Variants in ZBTB38 observed in about 807,000 individuals in gnomAD.
ZBTB38 encodes the protein zinc finger and BTB domain containing 38, also known as zinc finger and BTB domain-containing protein 38.
In ZBTB38, 20 loss-of-function variants were observed where a neutral mutation model predicts 76.8. The ratio of observed to expected loss-of-function variants is 0.26; its 90% CI spans 0.18 to 0.38. The LOEUF is 0.38. Ranked by LOEUF, ZBTB38 falls within the 10% of genes least tolerant of loss-of-function variation. The pLI, the probability that ZBTB38 is intolerant of heterozygous loss-of-function variation, is 1.00. For missense variants in ZBTB38, 1,082 were observed against 1,482.3 expected (o/e 0.73, Z 4.43); for synonymous variants, 504 against 544.2 (o/e 0.93, Z 1.03).
intron 1 of ZBTB38, among the ~76,000 whole-genome samples, chr3:141,329,818 C>G (rs1942789297): frequency 6.6e-6 from 1 of 151,532 alleles, no homozygotes; most frequent in Non-Finnish European, 1.5e-5. Flanking sequence ...TTTTAGAAAA[C>G]TCGTTGGAAT....
intron 5 of ZBTB38, among the ~76,000 whole-genome samples, chr3:141,426,782 G>A (rs1021126442): frequency 2.0e-5 from 3 of 152,152 alleles, no homozygotes; most frequent in East Asian, 1.9e-4. Flanking sequence ...AAAGCATGTC[G>A]GTAGTGCTTG....
At chr3:141,375,927 C>T (rs4683605) in intron 2 of ZBTB38, among the ~76,000 whole-genome samples, 6 of 152,084 alleles carry the variant, frequency 3.9e-5, no homozygotes, top group Non-Finnish European at 7.4e-5. Context: ...GCCTGAGAGG[C>T]GGCAGGCCAG....
At chr3:141,338,629 A>G (rs1489793725) in intron 1 of ZBTB38, among the ~76,000 whole-genome samples, 2 of 152,190 alleles carry the variant, frequency 1.3e-5, no homozygotes, top group East Asian at 3.8e-4. Flanking sequence ...AACAATAGAC[A>G]ACAGGGTCTA....
intron 1 of ZBTB38, among the ~76,000 whole-genome samples, chr3:141,359,533 G>C (rs1437042010): frequency 6.6e-6 from 1 of 152,212 alleles, no homozygotes; most frequent in East Asian, 1.9e-4. Context: ...AGACAAAGAA[G>C]ATCCAGGATA....
In ZBTB38 at chr3:141,442,209, G is replaced by A. The variant is rs114668093; in HGVS notation, c.1-180G>A. On this transcript the variant is annotated intron_variant, in intron 5 of 5. Coordinates refer to ENST00000321464, the MANE Select transcript of ZBTB38 (RefSeq NM_001376113.1). This position sits in a 1 kb window ranked among gnomAD's most constrained non-coding sequence, Gnocchi z 6.4. ...TAGCAATGGTATGAGAAACAGGCTGGGGCAAGAAAAAGATTTAGCTTCTAA... is the reference window on the plus strand; with the variant it reads ...TAGCAATGGTATGAGAAACAGGCTGAGGCAAGAAAAAGATTTAGCTTCTAA... 1.7e-3 allele frequency among the ~76,000 whole-genome samples: 265 copies of A among 152,198 alleles called. 1 individual carries two copies. The highest frequency in any genetic ancestry group is 3.4e-3 in the Middle Eastern group (1 of 294).
intron 1 of ZBTB38, among the ~76,000 whole-genome samples, chr3:141,357,196 A>G (rs945203855): frequency 3.3e-5 from 5 of 152,132 alleles, no homozygotes; most frequent in Non-Finnish European, 7.4e-5. Context: ...CATGTTTTAT[A>G]TACTATTTGT....
chr3:141,331,901 C>G (rs753236028), intron 1 of ZBTB38, among the ~76,000 whole-genome samples: 29 of 152,212 alleles, frequency 1.9e-4, no homozygotes, highest in Admixed American at 4.6e-4. Context: ...GAGTCCTCGG[C>G]TGGGGACTTC....
At chr3:141,335,248 G>A (rs999399797) in intron 1 of ZBTB38, among the ~76,000 whole-genome samples, 20 of 152,302 alleles carry the variant, frequency 1.3e-4, no homozygotes, top group African/African-American at 4.8e-4. Context: ...GATTTGTTGC[G>A]AGCACTAAAT....
chr3:141,359,685 C>A (rs1344835869), intron 1 of ZBTB38, among the ~76,000 whole-genome samples: 2 of 152,202 alleles, frequency 1.3e-5, no homozygotes, highest in South Asian at 2.1e-4. Flanking sequence ...AATCCCAGCA[C>A]TTTGGGAGGC....
At chr3:141,400,885 C>G (rs1156405306) in intron 4 of ZBTB38, among the ~76,000 whole-genome samples, 1 of 152,214 alleles carries the variant, frequency 6.6e-6, no homozygotes, top group Non-Finnish European at 1.5e-5. Flanking sequence ...GCTTTAAACC[C>G]AGGCAGGCTG....
chr3:141,383,510 A>T (rs991257410), intron 3 of ZBTB38: 3 of 152,234 alleles, frequency 2.0e-5, no homozygotes, highest in African/African-American at 7.2e-5. Flanking sequence ...ATAAAGGAAC[A>T]TGCAAACTGA....
At chr3:141,328,491 C>T (rs1380702296) in intron 1 of ZBTB38, among the ~76,000 whole-genome samples, 2 of 152,184 alleles carry the variant, frequency 1.3e-5, no homozygotes, top group African/African-American at 2.4e-5. Context: ...AACTTCTTGT[C>T]CATCCCAGAA....
intron 5 of ZBTB38, among the ~76,000 whole-genome samples, chr3:141,412,952 C>T (rs77197546): frequency 2.6e-5 from 4 of 152,326 alleles, no homozygotes; most frequent in East Asian, 1.9e-4. Context: ...CAAGCGCCTG[C>T]GTCTCCTGAG....
intron 2 of ZBTB38, among the ~76,000 whole-genome samples, chr3:141,380,734 A>C (rs555057638): frequency 2.2e-4 from 33 of 152,162 alleles, no homozygotes; most frequent in Non-Finnish European, 2.8e-4. Context: ...AGTCGAAAGG[A>C]GTTAAAGACT....
intron 1 of ZBTB38, among the ~76,000 whole-genome samples, chr3:141,362,760 A>G (rs1295910093): frequency 6.6e-6 from 1 of 152,138 alleles, no homozygotes; most frequent in Non-Finnish European, 1.5e-5. Flanking sequence ...AGGCTTGGAT[A>G]GGAGGGGAAA....
At chr3:141,396,871 A>G (rs1483275387) in intron 4 of ZBTB38, among the ~76,000 whole-genome samples, 2 of 152,234 alleles carry the variant, frequency 1.3e-5, no homozygotes, top group Non-Finnish European at 2.9e-5. Flanking sequence ...TCACTAAACT[A>G]GATCTGCTGT....
intron 1 of ZBTB38, among the ~76,000 whole-genome samples, chr3:141,331,899 G>A (rs548759414): frequency 4.3e-4 from 66 of 152,320 alleles, no homozygotes; most frequent in African/African-American, 1.5e-3. Context: ...GGGAGTCCTC[G>A]GCTGGGGACT....
intron 5 of ZBTB38, among the ~76,000 whole-genome samples, chr3:141,437,590 G>T (rs1451973351): frequency 6.6e-6 from 1 of 152,184 alleles, no homozygotes; most frequent in Non-Finnish European, 1.5e-5. Context: ...AACAAGGTGG[G>T]AAGGAGACTT....
intron 2 of ZBTB38, among the ~76,000 whole-genome samples, chr3:141,376,306 G>T (rs928379378): frequency 6.6e-6 from 1 of 152,168 alleles, no homozygotes; most frequent in Non-Finnish European, 1.5e-5. Context: ...GGCACCTGGT[G>T]ACACACAAGA....
Sources: gnomAD v4.1 joint callset for allele counts (sites outside exome capture counted in the v4.1 genomes callset) on GRCh38, gnomAD v4.1.1 for gene constraint, Gnocchi (gnomAD v3.1) non-coding constraint, MANE v1.5 for transcripts, NCBI Gene and HGNC (gene_info 2026-07-23, HGNC 2026-07-21) for gene names.